Variants in IDE observed in about 807,000 individuals in gnomAD.
IDE encodes insulin degrading enzyme.
Under a neutral mutation model 133.2 loss-of-function variants are expected in IDE, and 58 were observed. The observed-to-expected ratio is 0.44, with a 90% CI of 0.35 to 0.54. The LOEUF (loss-of-function observed/expected upper bound fraction) is 0.54. Ranked by LOEUF, IDE falls within the 20% of genes least tolerant of loss-of-function variation. The probability of loss-of-function intolerance (pLI) is 0.00; values close to 1 mark genes in which losing one functional copy is unlikely to be tolerated. For missense variants in IDE, 981 were observed against 1,234.0 expected (o/e 0.79, Z 3.07); for synonymous variants, 396 against 421.3 (o/e 0.94, Z 0.73).
At chr10:92,545,935 A>C (rs191661355) in intron 1 of IDE, among the ~76,000 whole-genome samples, 2 of 152,198 alleles carry the variant, frequency 1.3e-5, no homozygotes, top group African/African-American at 4.8e-5. Context: ...GTAACAGATA[A>C]ATAACCCAAA....
intron 1 of IDE, among the ~76,000 whole-genome samples, chr10:92,569,818 T>C (rs1843706650): frequency 6.6e-6 from 1 of 152,266 alleles, no homozygotes; most frequent in Middle Eastern, 3.4e-3. Context: ...AGTCCTACTT[T>C]AAAAAGTTAT....
intron 4 of IDE, among the ~76,000 whole-genome samples, chr10:92,522,116 G>GA (rs931132136): frequency 1.3e-5 from 2 of 152,110 alleles, no homozygotes; most frequent in African/African-American, 4.8e-5. Flanking sequence ...AGGGAAGAGA[G>GA]AAAAAAGTAA....
At chr10:92,460,318 T>G (rs942399910) in intron 22 of IDE, among the ~76,000 whole-genome samples, 2 of 152,194 alleles carry the variant, frequency 1.3e-5, no homozygotes, top group African/African-American at 4.8e-5. Flanking sequence ...GTGAAGATAA[T>G]TTATAGTTGT....
intron 1 of IDE, among the ~76,000 whole-genome samples, chr10:92,570,051 A>C (rs1843716063): frequency 6.6e-6 from 1 of 152,098 alleles, no homozygotes; most frequent in Non-Finnish European, 1.5e-5. Context: ...TGGAAGTTGC[A>C]GTGAGCCAAG....
intron 1 of IDE, among the ~76,000 whole-genome samples, chr10:92,552,105 G>A (rs1460914900): frequency 2.0e-5 from 3 of 152,158 alleles, no homozygotes; most frequent in African/African-American, 7.2e-5. Context: ...AACTATAAAT[G>A]AGTAACATAA....
intron 12 of IDE, among the ~76,000 whole-genome samples, chr10:92,489,209 A>G (rs1161037891): frequency 2.0e-5 from 3 of 152,176 alleles, no homozygotes; most frequent in Admixed American, 6.5e-5. Context: ...GGGACTAGGA[A>G]ACACTTAGTA....
chr10:92,557,623 G>A (rs191023055), intron 1 of IDE, among the ~76,000 whole-genome samples: 37 of 151,006 alleles, frequency 2.5e-4, no homozygotes, highest in Admixed American at 5.9e-4. Context: ...GATGATGGCC[G>A]GGCATGTTGT....
chr10:92,508,383 G>T (rs1437220975), intron 7 of IDE, among the ~76,000 whole-genome samples, 178 bp from the exon 8 acceptor site: 1 of 152,044 alleles, frequency 6.6e-6, no homozygotes, highest in Non-Finnish European at 1.5e-5. Flanking sequence ...AGAAGTGGGG[G>T]CTTTCCTGAA....
At chr10:92,554,431 G>A (rs1428466086) in intron 1 of IDE, among the ~76,000 whole-genome samples, 3 of 151,722 alleles carry the variant, frequency 2.0e-5, no homozygotes, top group Non-Finnish European at 4.4e-5. Flanking sequence ...ATATTCCCAA[G>A]TACTCAGGGA....
chr10:92,505,066 A>G (rs1848223320), intron 10 of IDE, among the ~76,000 whole-genome samples, 169 bp from the exon 11 acceptor site: 1 of 152,190 alleles, frequency 6.6e-6, no homozygotes, highest in Admixed American at 6.5e-5. Flanking sequence ...TCTCTTTCCT[A>G]CCACATTGTT....
intron 11 of IDE, among the ~76,000 whole-genome samples, chr10:92,503,946 G>A (rs1848163391): frequency 1.3e-5 from 2 of 152,044 alleles, no homozygotes; most frequent in Middle Eastern, 3.4e-3. Flanking sequence ...TCGAACTCCC[G>A]ACCTCAGCTG....
intron 11 of IDE, among the ~76,000 whole-genome samples, chr10:92,503,066 A>C (rs1848108133): frequency 6.6e-6 from 1 of 152,258 alleles, no homozygotes; most frequent in East Asian, 1.9e-4. Flanking sequence ...CCCTTAATAT[A>C]TTTTTTAAAC....
chr10:92,457,522 T>A (rs1315962575), intron 22 of IDE, among the ~76,000 whole-genome samples: 2 of 152,076 alleles, frequency 1.3e-5, no homozygotes, highest in African/African-American at 4.8e-5. Context: ...GTTACTACCA[T>A]GAATGCCAGC....
At chr10:92,464,137 A>G in intron 20 of IDE, 134 bp from the exon 21 acceptor site, 1 of 836,914 alleles carries the variant, frequency 1.2e-6, no homozygotes, top group Non-Finnish European at 1.9e-6. Context: ...TTAAAGAAAT[A>G]TGAGCACTTA....
chr10:92,502,552 T>G (rs1288520556), intron 11 of IDE, among the ~76,000 whole-genome samples: 1 of 152,228 alleles, frequency 6.6e-6, no homozygotes, highest in African/African-American at 2.4e-5. Context: ...GAAAGTAGAT[T>G]CCTTAGGATT....
At chr10:92,555,216 A>T (rs1292944902) in intron 1 of IDE, among the ~76,000 whole-genome samples, 15 of 152,026 alleles carry the variant, frequency 9.9e-5, no homozygotes, top group Admixed American at 9.8e-4. Flanking sequence ...CACACTAAAG[A>T]GGCCGGGCAC....
intron 22 of IDE, among the ~76,000 whole-genome samples, chr10:92,456,844 C>CAAAAAAAAAAA (rs57422406): frequency 5.3e-3 from 279 of 52,222 alleles, no homozygotes; most frequent in Non-Finnish European, 7.0e-3. Flanking sequence ...GACTCTGTCT[C>CAAAAAAAAAAA]AAAAAAAAAA....
chr10:92,548,211 T>C (rs561595619), intron 1 of IDE, among the ~76,000 whole-genome samples: 2 of 151,840 alleles, frequency 1.3e-5, no homozygotes, highest in South Asian at 4.2e-4. Context: ...AACACCAAAA[T>C]TAGCCAGGCG....
chr10:92,471,291 A>G (rs1333136340), intron 17 of IDE, among the ~76,000 whole-genome samples: 1 of 152,212 alleles, frequency 6.6e-6, no homozygotes, highest in Non-Finnish European at 1.5e-5. Context: ...CTACCAATGG[A>G]TGCTAAAATC....
Sources: allele counts gnomAD v4.1 joint callset (sites outside exome capture counted in the v4.1 genomes callset), GRCh38; gene constraint gnomAD v4.1.1; transcripts MANE v1.5; gene names NCBI Gene and HGNC (gene_info 2026-07-23, HGNC 2026-07-21).